Variants in MTOR observed in about 807,000 individuals in gnomAD.
MTOR encodes serine/threonine-protein kinase mTOR.
A neutral mutation model predicts 319.8 loss-of-function variants in MTOR; 70 were observed. The observed-to-expected ratio is 0.22, with a 90% CI of 0.18 to 0.27. The LOEUF (loss-of-function observed/expected upper bound fraction) is 0.27, where lower values mean the gene tolerates loss of function less well. Among genes scored for constraint, MTOR ranks in the 10% least tolerant of loss-of-function variants. MTOR has a pLI of 1.00. For missense variants in MTOR, 1,890 were observed against 3,274.4 expected, an observed-to-expected ratio of 0.58 and a Z score of 10.32; for synonymous variants, 1,183 against 1,211.4, an observed-to-expected ratio of 0.98 and a Z score of 0.49.
At chr1:11,131,288 C>T (rs957383965) in intron 38 of MTOR, 8 of 167,266 alleles carry the variant, frequency 4.8e-5, no homozygotes, top group Admixed American at 3.9e-4. Context: ...GAAACAAGCC[C>T]ATGAATGTGA....
chr1:11,214,658 A>C (rs1475788344), intron 20 of MTOR, among the ~76,000 whole-genome samples: 1 of 152,270 alleles, frequency 6.6e-6, no homozygotes, highest in Non-Finnish European at 1.5e-5. Flanking sequence ...CTTTAAAAGC[A>C]TAATGGTTTA....
chr1:11,107,433 C>G lies in MTOR; in HGVS notation c.*52G>C. On this transcript the variant is annotated 3_prime_UTR_variant, in exon 58 of 58. Coordinates refer to ENST00000361445, the MANE Select transcript of MTOR (RefSeq NM_004958.4). ...GGTTTCAGTTTAGTGGAAGCATTTA[C>G]TAAAGTACAAAAGCCTCAGAAAAAA... 1 of 1,589,798 alleles carries G rather than the reference C, an allele frequency of 6.3e-7. No homozygotes were observed. Among genetic ancestry groups the G allele is most frequent in the Non-Finnish European group, 8.5e-7 (1 of 1,174,106 alleles).
chr1:11,219,588 C>T (rs1048311802), intron 19 of MTOR, among the ~76,000 whole-genome samples: 2 of 151,938 alleles, frequency 1.3e-5, no homozygotes, highest in Admixed American at 6.6e-5. Flanking sequence ...CTATATGATT[C>T]GAAATTATAA....
chr1:11,204,649 G>T lies in MTOR; in HGVS notation c.3856C>A (p.Arg1286=). 6.2e-7 allele frequency: 1 copy of T among 1,614,108 alleles called. No homozygotes were observed. The highest frequency in any genetic ancestry group is 8.5e-7 in the Non-Finnish European group (1 of 1,180,028). The change falls in exon 26 of 58, where the codon CGG becomes AGG. Residue 1286 remains arginine (R), a synonymous_variant. Coordinates refer to ENST00000361445, the MANE Select transcript of MTOR (RefSeq NM_004958.4). ...SKDDWLEWLR[R]LSLELLKDSS... The stretch of plus-strand genomic sequence containing the variant: ...TCCTTCAGCAGCTCCAGGCTCAGCC[G>T]TCTCAGCCATTCCAGCCAGTCATCT...
intron 8 of MTOR, among the ~76,000 whole-genome samples, chr1:11,243,517 C>A (rs1219660658): frequency 1.3e-5 from 2 of 151,630 alleles, no homozygotes; most frequent in Non-Finnish European, 1.5e-5. Flanking sequence ...ACAGTGAGAC[C>A]CTGTCTCTAC....
At chr1:11,189,083 A>T (rs1334898084) in intron 28 of MTOR, among the ~76,000 whole-genome samples, 1 of 152,172 alleles carries the variant, frequency 6.6e-6, no homozygotes, top group African/African-American at 2.4e-5. Context: ...GAGTTGAGCC[A>T]GTGGCTGGCA....
chr1:11,141,826 A>AAATAAAAAAAAT (rs1643722431), intron 34 of MTOR, among the ~76,000 whole-genome samples: 1 of 150,162 alleles, frequency 6.7e-6, no homozygotes, highest in Non-Finnish European at 1.5e-5. Flanking sequence ...CTCTACTAAA[A>AAATAAAAAAAAT]AATAAAAAAA....
Position 11,121,152 on chromosome 1 carries a change from A to C in MTOR, c.6933+94T>G. 5 of 1,520,154 alleles carry C rather than the reference A, an allele frequency of 3.3e-6. No individual in the cohort carries two copies. The highest frequency in any genetic ancestry group is 4.4e-6 in the Non-Finnish European group (5 of 1,130,890). The allele number at this position is 1,520,154 out of a possible 1,614,324, so 94.2% of individuals were successfully genotyped here. On this transcript the variant is annotated intron_variant, in intron 49 of 57. Transcript: ENST00000361445. The surrounding 1 kb of genome is among the most constrained non-coding windows in gnomAD (Gnocchi z 4.9). ...GCTCTACAGCCAATCACAGCAAAGAAGAGCCGCTGTGTGCACATGAACAGA... is the reference window on the plus strand; with the variant it reads ...GCTCTACAGCCAATCACAGCAAAGACGAGCCGCTGTGTGCACATGAACAGA...
intron 28 of MTOR, among the ~76,000 whole-genome samples, chr1:11,185,558 G>A (rs1387557587): frequency 6.6e-6 from 1 of 152,100 alleles, no homozygotes; most frequent in East Asian, 1.9e-4. Context: ...ATGAGCCATG[G>A]TTGCCCCATT....
At chr1:11,113,465 GT>G (rs1482330309) in intron 53 of MTOR, among the ~76,000 whole-genome samples, 2 of 152,272 alleles carry the variant, frequency 1.3e-5, no homozygotes, top group African/African-American at 4.8e-5. Flanking sequence ...GCTCTGCAAT[GT>G]ATCCCAGGCT....
chr1:11,173,880 C>T (rs1384588962), intron 28 of MTOR, among the ~76,000 whole-genome samples: 1 of 152,152 alleles, frequency 6.6e-6, no homozygotes, highest in Non-Finnish European at 1.5e-5. Context: ...CTTCTTCCTC[C>T]ATGCCTTCTG....
chr1:11,167,386 T>C (rs905834710), intron 29 of MTOR, 56 bp downstream of exon 29: 1 of 1,418,260 alleles, frequency 7.1e-7, no homozygotes, highest in Non-Finnish European at 1.0e-6. Flanking sequence ...TCAGGGCCAA[T>C]AACTCCCTAG....
chr1:11,260,936 T>C (rs2746643), intron 1 of MTOR, among the ~76,000 whole-genome samples: 1,747 of 151,744 alleles, frequency 0.012, 49 homozygotes, highest in African/African-American at 0.04. Context: ...ACTACAGATG[T>C]GCAGCACCAC....
At chr1:11,147,648 T>G (rs955976330) in intron 31 of MTOR, among the ~76,000 whole-genome samples, 6 of 152,180 alleles carry the variant, frequency 3.9e-5, no homozygotes, top group African/African-American at 1.4e-4. Flanking sequence ...TGAAAAATGT[T>G]CCGGATCTAG....
intron 19 of MTOR, among the ~76,000 whole-genome samples, chr1:11,221,907 G>A (rs913586248): frequency 6.6e-6 from 1 of 150,460 alleles, no homozygotes; most frequent in Non-Finnish European, 1.5e-5. Context: ...TTGAGTGACT[G>A]TGCAACCAAC....
At chr1:11,193,048 C>G (rs779480586) in intron 28 of MTOR, among the ~76,000 whole-genome samples, 1 of 152,142 alleles carries the variant, frequency 6.6e-6, no homozygotes, top group Non-Finnish European at 1.5e-5. Flanking sequence ...CATGGTGGCT[C>G]ACACCTGTAA....
intron 29 of MTOR, among the ~76,000 whole-genome samples, chr1:11,157,549 C>T (rs535452465): frequency 1.3e-5 from 2 of 152,300 alleles, no homozygotes; most frequent in East Asian, 3.9e-4. Context: ...CCATACTCCT[C>T]CCCCATTATT....
At position 11,228,930 on chromosome 1, in the gene MTOR, C is replaced by T. The variant is rs1263429472; in HGVS notation, c.2780-12G>A. ...AGTGCTATAGTCAGCTAGGACAAAA[C>T]AACAGAGAGTGTTAGAGCTACACAT... On this transcript the variant is annotated splice_polypyrimidine_tract_variant and intron_variant, in intron 18 of 57. Coordinates refer to ENST00000361445, the MANE Select transcript of MTOR (RefSeq NM_004958.4). 1.2e-6 allele frequency: 2 copies of T among 1,613,614 alleles called. No homozygotes were observed. The highest frequency in any genetic ancestry group is 1.7e-6 in the Non-Finnish European group (2 of 1,179,634).
intron 25 of MTOR, among the ~76,000 whole-genome samples, chr1:11,206,409 G>C (rs1165592239): frequency 6.6e-6 from 1 of 152,138 alleles, no homozygotes; most frequent in Non-Finnish European, 1.5e-5. Context: ...CTCCACCATT[G>C]ATGCTAGTTG....
Sources: gnomAD v4.1 joint callset for allele counts (sites outside exome capture counted in the v4.1 genomes callset) on GRCh38, gnomAD v4.1.1 for gene constraint, Gnocchi (gnomAD v3.1) non-coding constraint, MANE v1.5 for transcripts, NCBI Gene and HGNC (gene_info 2026-07-23, HGNC 2026-07-21) for gene names.